Variants in SCARA5 observed in about 807,000 individuals in gnomAD.
The protein encoded by SCARA5 is scavenger receptor class A member 5.
SCARA5 carries 45 observed loss-of-function variants against 46.3 expected under a neutral mutation model. The observed-to-expected ratio is 0.97, with a 90% CI of 0.76 to 1.24. The LOEUF is 1.24. SCARA5 is among the 50% of genes most tolerant of loss of function. The probability of loss-of-function intolerance (pLI) is 0.00; values close to 1 mark genes in which losing one functional copy is unlikely to be tolerated. For missense variants in SCARA5, 680 were observed against 689.0 expected (o/e 0.99, Z 0.15); for synonymous variants, 333 against 306.5 (o/e 1.09, Z -0.90).
intron 7 of SCARA5, 70 bp downstream of exon 7, chr8:27,904,708 T>C (rs1195447174): frequency 2.2e-6 from 3 of 1,384,926 alleles, no homozygotes; most frequent in East Asian, 2.3e-5. Flanking sequence ...TCCAAACTTA[T>C]GGGGCTGCTT....
chr8:27,965,751 G>A (rs190830518), intron 3 of SCARA5, among the ~76,000 whole-genome samples: 1 of 152,208 alleles, frequency 6.6e-6, no homozygotes, highest in African/African-American at 2.4e-5. Context: ...AGGGAGTCAG[G>A]AGAAGACCAC....
At position 27,922,239 on chromosome 8, in the gene SCARA5, C is replaced by T. The variant is rs1420632421; in HGVS notation, c.248G>A (p.Arg83Lys). The T allele has an allele frequency of 1.3e-6, 2 of 1,547,930 alleles. No individual in the cohort carries two copies. The highest frequency in any genetic ancestry group is 1.7e-6 in the Non-Finnish European group (2 of 1,145,920). Residue 83 changes from arginine to lysine, a missense_variant, in exon 4 of 9, where the codon AGG (arginine) becomes AAG (lysine). Physicochemically the swap from Arg to Lys is conservative, Grantham distance 26. Around this residue, in one of 3 missense-constraint regions of SCARA5, gnomAD observed 438 missense variants for 384.5 expected, o/e 1.14. Coordinates refer to ENST00000354914, the MANE Select transcript of SCARA5 (RefSeq NM_173833.6). Reference sequence around the variant, plus strand: ...CAGGTCGTCAGGGGAGCTGCGCGGCCTGGACACTGCGGAGGAGGAAGAGGG... The same window carrying T: ...CAGGTCGTCAGGGGAGCTGCGCGGCTTGGACACTGCGGAGGAGGAAGAGGG... ...LVGIFILAVS[R>K]PRSSPDDLKA...
At chr8:27,914,384 A>G (rs1487972720) in intron 4 of SCARA5, among the ~76,000 whole-genome samples, 1 of 152,214 alleles carries the variant, frequency 6.6e-6, no homozygotes, top group Non-Finnish European at 1.5e-5. Flanking sequence ...TCAGAGCTAG[A>G]AGGAGGTGGG....
chr8:27,947,136 C>T (rs904649700), intron 3 of SCARA5, among the ~76,000 whole-genome samples: 2 of 151,966 alleles, frequency 1.3e-5, no homozygotes, highest in Non-Finnish European at 2.9e-5. Context: ...TTCAGTCTCC[C>T]GAGGAGCTGG....
In SCARA5 at chr8:27,922,193, C is replaced by A. The variant is rs146865223; in HGVS notation, c.294G>T (p.Val98=). 8.7e-6 allele frequency: 14 copies of A among 1,601,138 alleles called. No homozygotes were observed. Among genetic ancestry groups the A allele is most frequent in the Non-Finnish European group, 1.2e-5 (14 of 1,174,154 alleles). ...PDDLKALTRN[V]NRLNESFRDL... is the part of the protein sequence containing the mutation. ...CCCGGAAGCTCTCATTCAGCCGGTT[C>A]ACATTGCGAGTCAGGGCCTTCAGGT... The change falls in exon 4 of 9, where the codon GTG becomes GTT. Residue 98 remains valine, a synonymous_variant. Transcript: ENST00000354914.
At chr8:27,899,543 C>T (rs1046209144) in intron 7 of SCARA5, among the ~76,000 whole-genome samples, 2 of 152,186 alleles carry the variant, frequency 1.3e-5, no homozygotes, top group African/African-American at 2.4e-5. Flanking sequence ...GTCTGTCTAC[C>T]ACGCACGAGG....
chr8:27,982,785 CT>C (rs994821206), intron 2 of SCARA5, among the ~76,000 whole-genome samples: 27 of 152,148 alleles, frequency 1.8e-4, no homozygotes, highest in African/African-American at 6.0e-4. Context: ...GGCAAGATGG[CT>C]GCTCAGGGAG....
At chr8:27,936,667 C>T (rs1807863213) in intron 3 of SCARA5, among the ~76,000 whole-genome samples, 1 of 148,124 alleles carries the variant, frequency 6.8e-6, no homozygotes, top group Admixed American at 6.8e-5. Flanking sequence ...AGATGCCCAT[C>T]ATCTGCAAAT....
chr8:27,958,213 C>A (rs544252821), intron 3 of SCARA5, among the ~76,000 whole-genome samples: 1 of 152,232 alleles, frequency 6.6e-6, no homozygotes, highest in Non-Finnish European at 1.5e-5. Context: ...TTCTACCCGG[C>A]TCAGGCGTGG....
intron 7 of SCARA5, among the ~76,000 whole-genome samples, chr8:27,895,426 C>T (rs544869981): frequency 2.0e-5 from 3 of 152,332 alleles, no homozygotes; most frequent in East Asian, 3.9e-4. Flanking sequence ...TGGAGGGCAT[C>T]GCTTTCAAAA....
At chr8:27,955,566 G>C (rs1585511896) in intron 3 of SCARA5, among the ~76,000 whole-genome samples, 1 of 152,112 alleles carries the variant, frequency 6.6e-6, no homozygotes, top group East Asian at 1.9e-4. Flanking sequence ...TCTGCCTGGA[G>C]GTCCCAGCGA....
chr8:27,879,497 G>T, intron 8 of SCARA5, 72 bp downstream of exon 8: 1 of 1,451,140 alleles, frequency 6.9e-7, no homozygotes, highest in Non-Finnish European at 9.5e-7. Flanking sequence ...AGGGACTCGG[G>T]CTTTGGAGGT....
intron 3 of SCARA5, among the ~76,000 whole-genome samples, chr8:27,953,603 G>A (rs372426301): frequency 2.6e-5 from 4 of 152,218 alleles, no homozygotes; most frequent in African/African-American, 4.8e-5. Context: ...TGCCCTTCAC[G>A]TGGAGCTCTC....
At chr8:27,963,436 C>T (rs1231405578) in intron 3 of SCARA5, among the ~76,000 whole-genome samples, 1 of 152,138 alleles carries the variant, frequency 6.6e-6, no homozygotes, top group African/African-American at 2.4e-5. Context: ...GATAGAAAAG[C>T]TTAGAGGTAT....
At chr8:27,929,462 C>T (rs1057255108) in intron 3 of SCARA5, among the ~76,000 whole-genome samples, 65 of 152,184 alleles carry the variant, frequency 4.3e-4, no homozygotes, top group Admixed American at 4.2e-3. Flanking sequence ...GTGACCTAAA[C>T]CTTGGGCACT....
chr8:27,981,878 G>A lies in SCARA5; in HGVS notation c.112+5626C>T, dbSNP rs534629786. Among the ~76,000 whole-genome samples the A allele has an allele frequency of 6.4e-4, 98 of 152,326 alleles. 2 individuals are homozygous for A. In the South Asian group the frequency reaches 0.02, roughly 31 times the overall value. On this transcript the variant is annotated intron_variant, in intron 2 of 8. Transcript: ENST00000354914. ...GCACCAGAGCCTGATGCGGCAACCT[G>A]TAAACGGCGGTGACTCTTCCAGAGG... is the stretch of plus-strand genomic sequence containing the variant.
At chr8:27,911,695 A>C (rs1447529520) in intron 4 of SCARA5, among the ~76,000 whole-genome samples, 2 of 152,182 alleles carry the variant, frequency 1.3e-5, no homozygotes, top group African/African-American at 2.4e-5. Flanking sequence ...CTGTCTCCAA[A>C]AAAAAAGAAA....
At chr8:27,991,603 G>T (rs866907283) in intron 1 of SCARA5, among the ~76,000 whole-genome samples, 2 of 152,102 alleles carry the variant, frequency 1.3e-5, no homozygotes, top group African/African-American at 4.8e-5. Flanking sequence ...ATCTAACTCT[G>T]CAGGGTTTAT....
At chr8:27,951,146 TG>T (rs1808120245) in intron 3 of SCARA5, among the ~76,000 whole-genome samples, 1 of 152,210 alleles carries the variant, frequency 6.6e-6, no homozygotes, top group South Asian at 2.1e-4. Context: ...GGGTTTGAAA[TG>T]CAAGTCCATG....
Sources: gnomAD v4.1 joint callset for allele counts (sites outside exome capture counted in the v4.1 genomes callset) on GRCh38, gnomAD v4.1.1 for gene constraint, gnomAD v4.1.1 regional missense constraint, MANE v1.5 for transcripts, NCBI Gene and HGNC (gene_info 2026-07-23, HGNC 2026-07-21) for gene names.